The following PEBP4 variants were observed in gnomAD, a reference collection of about 807,000 sequenced individuals.
The protein encoded by PEBP4 is phosphatidylethanolamine-binding protein 4.
Under a neutral mutation model 23.9 loss-of-function variants are expected in PEBP4, and 22 were observed. That is an observed-to-expected ratio of 0.92 (90% CI 0.66 to 1.31). PEBP4 has a LOEUF of 1.31. PEBP4 is among the 40% of genes most tolerant of loss of function. The pLI, the probability that PEBP4 is intolerant of heterozygous loss-of-function variation, is 0.00. For missense variants in PEBP4, 324 were observed against 281.7 expected, an observed-to-expected ratio of 1.15 and a Z score of -1.07; for synonymous variants, 112 against 99.3, an observed-to-expected ratio of 1.13 and a Z score of -0.76.
chr8:22,735,669 A>G (rs1166153579), intron 4 of PEBP4, among the ~76,000 whole-genome samples: 4 of 152,192 alleles, frequency 2.6e-5, no homozygotes, highest in Non-Finnish European at 5.9e-5. Flanking sequence ...GTGTCCCAGG[A>G]GGGCCACCAG....
At chr8:22,808,547 T>G (rs1330799973) in intron 4 of PEBP4, among the ~76,000 whole-genome samples, 2 of 152,232 alleles carry the variant, frequency 1.3e-5, no homozygotes, top group Non-Finnish European at 2.9e-5. Context: ...AATTGAGGTT[T>G]AACTGAGTGT....
chr8:22,906,491 T>A (rs1808816512), intron 3 of PEBP4, among the ~76,000 whole-genome samples: 1 of 152,094 alleles, frequency 6.6e-6, no homozygotes, highest in Non-Finnish European at 1.5e-5. Flanking sequence ...CTCCTCTTTC[T>A]CTCTCCTTAA....
At chr8:22,814,158 T>C (rs1424718528) in intron 4 of PEBP4, among the ~76,000 whole-genome samples, 1 of 152,170 alleles carries the variant, frequency 6.6e-6, no homozygotes, top group Non-Finnish European at 1.5e-5. Context: ...CACACTACTA[T>C]CTCCAGCTTA....
At chr8:22,817,878 G>C (rs1454673652) in intron 3 of PEBP4, 143 bp from the exon 4 acceptor site, 1 of 695,410 alleles carries the variant, frequency 1.4e-6, no homozygotes, top group East Asian at 2.6e-5. Flanking sequence ...CCTTGCTCTC[G>C]TGACATCCCT....
intron 3 of PEBP4, among the ~76,000 whole-genome samples, chr8:22,881,608 G>A (rs1056696141): frequency 1.3e-5 from 2 of 152,152 alleles, no homozygotes; most frequent in African/African-American, 4.8e-5. Flanking sequence ...GTTCCAAATA[G>A]CGTTCTCCCC....
chr8:22,828,748 C>T (rs572477017), intron 3 of PEBP4, among the ~76,000 whole-genome samples: 4 of 152,324 alleles, frequency 2.6e-5, no homozygotes, highest in Admixed American at 1.3e-4. Flanking sequence ...CAATCTCCTT[C>T]GTGTCCTTGA....
At chr8:22,782,992 C>T (rs1373908110) in intron 4 of PEBP4, among the ~76,000 whole-genome samples, 2 of 152,210 alleles carry the variant, frequency 1.3e-5, no homozygotes, top group East Asian at 3.8e-4. Flanking sequence ...CCGGGAGGTT[C>T]CAGCTGCCAG....
intron 3 of PEBP4, among the ~76,000 whole-genome samples, chr8:22,894,081 G>A (rs13270026): frequency 0.22 from 33,318 of 152,052 alleles, 3,827 homozygotes; most frequent in Middle Eastern, 0.28. Context: ...CTGGCAGCCC[G>A]CGGCATATAG....
At chr8:22,745,267 T>A (rs1805088317) in intron 4 of PEBP4, among the ~76,000 whole-genome samples, 2 of 152,144 alleles carry the variant, frequency 1.3e-5, no homozygotes, top group Admixed American at 1.3e-4. Flanking sequence ...TAGGGGACCC[T>A]GTGCACTGTG....
intron 4 of PEBP4, among the ~76,000 whole-genome samples, chr8:22,802,370 G>A (rs796768870): frequency 5.9e-5 from 9 of 152,246 alleles, no homozygotes; most frequent in African/African-American, 2.2e-4. Flanking sequence ...GATTCCTGTA[G>A]CTGCCCCCAA....
chr8:22,803,418 A>G (rs1207018016), intron 4 of PEBP4, among the ~76,000 whole-genome samples: 1 of 152,146 alleles, frequency 6.6e-6, no homozygotes, highest in African/African-American at 2.4e-5. Flanking sequence ...CTGTAATCCC[A>G]GCACTTTGGG....
intron 3 of PEBP4, among the ~76,000 whole-genome samples, chr8:22,916,319 G>A (rs1053235573): frequency 5.3e-5 from 8 of 152,192 alleles, no homozygotes; most frequent in African/African-American, 1.9e-4. Context: ...ATTTTTAAAT[G>A]TTTGCCTCTT....
At chr8:22,780,407 G>T (rs1307986029) in intron 4 of PEBP4, among the ~76,000 whole-genome samples, 1 of 152,096 alleles carries the variant, frequency 6.6e-6, no homozygotes, top group Non-Finnish European at 1.5e-5. Flanking sequence ...GTACCTTGAG[G>T]TTCATTTGTC....
intron 4 of PEBP4, among the ~76,000 whole-genome samples, chr8:22,747,913 G>T (rs1019618649): frequency 5.9e-5 from 9 of 152,206 alleles, no homozygotes; most frequent in Non-Finnish European, 1.0e-4. Context: ...GCCCAGGGCC[G>T]CGTGCAGGCT....
intron 3 of PEBP4, chr8:22,896,056 G>C (rs958681199): frequency 6.6e-6 from 1 of 152,226 alleles, no homozygotes; most frequent in Non-Finnish European, 1.5e-5. Context: ...TGGTATTGTG[G>C]TTGGAGAGAT....
intron 3 of PEBP4, among the ~76,000 whole-genome samples, chr8:22,889,214 C>T (rs1027867932): frequency 1.3e-5 from 2 of 152,166 alleles, no homozygotes; most frequent in Non-Finnish European, 2.9e-5. Context: ...ATTTTCCTAC[C>T]ATACAGGATT....
chr8:22,754,004 T>C (rs562335469), intron 4 of PEBP4, among the ~76,000 whole-genome samples: 17 of 152,088 alleles, frequency 1.1e-4, no homozygotes, highest in Non-Finnish European at 2.4e-4. Context: ...GATGGGAAAG[T>C]CTGACTATAG....
At chr8:22,726,187 G>A (rs545120212) in intron 5 of PEBP4, among the ~76,000 whole-genome samples, 1 of 152,250 alleles carries the variant, frequency 6.6e-6, no homozygotes, top group East Asian at 1.9e-4. Context: ...TGTAAATGCA[G>A]GTAAAGGAGC....
intron 4 of PEBP4, among the ~76,000 whole-genome samples, chr8:22,742,110 A>G (rs1805007615): frequency 6.6e-6 from 1 of 152,122 alleles, no homozygotes; most frequent in Non-Finnish European, 1.5e-5. Flanking sequence ...GGAGTCTGGG[A>G]TTCTAGGACA....
Sources: allele counts gnomAD v4.1 joint callset (sites outside exome capture counted in the v4.1 genomes callset), GRCh38; gene constraint gnomAD v4.1.1; transcripts MANE v1.5; gene names NCBI Gene and HGNC (gene_info 2026-07-23, HGNC 2026-07-21).